Variants in TRPS1 observed in about 807,000 individuals in gnomAD.
The protein encoded by TRPS1 is transcriptional repressor GATA binding 1, also known as zinc finger transcription factor Trps1.
Under a neutral mutation model 101.2 loss-of-function variants are expected in TRPS1, and 6 were observed. The observed-to-expected ratio is 0.06, with a 90% CI of 0.03 to 0.12. TRPS1 has a LOEUF of 0.12. TRPS1 is among the 10% of genes least tolerant of loss of function. TRPS1 has a pLI of 1.00. For synonymous variants in TRPS1, 578 were observed against 589.8 expected (o/e 0.98, Z 0.29); for missense variants, 1,363 against 1,567.0 (o/e 0.87, Z 2.20).
In TRPS1 at chr8:115,418,603, A is replaced by C. The variant is rs1033147149; in HGVS notation, c.2701-151T>G. The C allele has an allele frequency of 2.3e-5, 24 of 1,032,806 alleles. No individual in the cohort carries two copies. Among genetic ancestry groups the C allele is most frequent in the Admixed American group, 2.0e-4 (10 of 50,446 alleles). 64.0% of individuals were successfully genotyped at this position (1,032,806 alleles called of 1,614,324 possible). On this transcript the variant is annotated intron_variant, in intron 5 of 6. Coordinates refer to ENST00000395715, the MANE Select transcript of TRPS1 (RefSeq NM_014112.5). The surrounding 1 kb of genome is among the most constrained non-coding windows in gnomAD (Gnocchi z 4.3). ...ATGAGGTCAGGTTCAATTGTGTTTA[A>C]TAGGCACCACTGATTTTCATTATAA...
chr8:115,546,915 A>G (rs1816587503), intron 5 of TRPS1, among the ~76,000 whole-genome samples: 1 of 152,192 alleles, frequency 6.6e-6, no homozygotes. Context: ...AATTCAAAGA[A>G]AAACGTCCCA....
intron 5 of TRPS1, among the ~76,000 whole-genome samples, chr8:115,488,388 T>C (rs1440294323): frequency 6.6e-6 from 1 of 152,142 alleles, no homozygotes; most frequent in African/African-American, 2.4e-5. Context: ...GGTATGCCTG[T>C]GTGATATAAA....
chr8:115,517,734 C>T (rs919174124), intron 5 of TRPS1, among the ~76,000 whole-genome samples: 4 of 151,680 alleles, frequency 2.6e-5, no homozygotes, highest in African/African-American at 9.7e-5. Flanking sequence ...GATTTCCAGA[C>T]TATGTAGGAG....
chr8:115,479,096 T>C (rs1814688077), intron 5 of TRPS1, among the ~76,000 whole-genome samples: 1 of 151,958 alleles, frequency 6.6e-6, no homozygotes, highest in Non-Finnish European at 1.5e-5. Flanking sequence ...CATAATTTCC[T>C]GGCATGCCTT....
At chr8:115,546,488 C>T (rs1333329311) in intron 5 of TRPS1, among the ~76,000 whole-genome samples, 5 of 151,638 alleles carry the variant, frequency 3.3e-5, no homozygotes, top group Non-Finnish European at 7.4e-5. Flanking sequence ...CTGAATTTGG[C>T]ATGTTCTTAT....
chr8:115,581,300 T>C (rs1260275314), intron 5 of TRPS1, among the ~76,000 whole-genome samples: 1 of 151,934 alleles, frequency 6.6e-6, no homozygotes, highest in Non-Finnish European at 1.5e-5. Flanking sequence ...TTGAAGGATA[T>C]GAAGTTATAG....
intron 5 of TRPS1, among the ~76,000 whole-genome samples, chr8:115,578,574 C>A (rs1020930412): frequency 2.2e-4 from 33 of 151,846 alleles, no homozygotes; most frequent in Non-Finnish European, 4.4e-4. Flanking sequence ...CAAAAATGAA[C>A]ATTGTGGGAT....
intron 5 of TRPS1, among the ~76,000 whole-genome samples, chr8:115,516,894 C>T (rs1815725328): frequency 6.6e-6 from 1 of 151,288 alleles, no homozygotes; most frequent in South Asian, 2.1e-4. Context: ...CAATCTTCTA[C>T]ATATTTTATA....
At chr8:115,436,064 C>A (rs1458800952) in intron 5 of TRPS1, among the ~76,000 whole-genome samples, 1 of 149,946 alleles carries the variant, frequency 6.7e-6, no homozygotes, top group Non-Finnish European at 1.5e-5. Context: ...GGAGCCCATG[C>A]AAATAGGTGG....
Position 115,414,934 on chromosome 8 carries a change from G to A in TRPS1, c.2974C>T (p.Pro992Ser). 1.3e-6 allele frequency: 2 copies of A among 1,599,828 alleles called. No homozygotes were observed. Among genetic ancestry groups the A allele is most frequent in the Non-Finnish European group, 1.7e-6 (2 of 1,173,140 alleles). The change falls in exon 7 of 7, where the codon CCG becomes TCG. Residue 992 changes from proline (P) to serine (S), a missense_variant. Around this residue, in one of 5 missense-constraint regions of TRPS1, gnomAD observed 307 missense variants for 392.4 expected, o/e 0.78. Transcript: ENST00000395715. This position sits in a 1 kb window ranked among gnomAD's most constrained non-coding sequence, Gnocchi z 4.8. ...GSNEEQVNGS[P>S]LERRSEDHLT... Reference sequence around the variant, plus strand: ...TGATCTTCTGACCTCCTCTCTAACGGGCTTCCATTGACTTGCTCCTCATTG... The same window carrying A: ...TGATCTTCTGACCTCCTCTCTAACGAGCTTCCATTGACTTGCTCCTCATTG...
chr8:115,598,316 C>A (rs971257669), intron 4 of TRPS1, among the ~76,000 whole-genome samples: 2 of 152,108 alleles, frequency 1.3e-5, no homozygotes, highest in Admixed American at 1.3e-4. Context: ...TCCCTTCAAA[C>A]TTACATAGTA....
In TRPS1 at chr8:115,604,138, A is replaced by G. The variant is rs1277616512; in HGVS notation, c.1831T>C (p.Leu611=). 1.9e-6 allele frequency: 3 copies of G among 1,614,008 alleles called. No homozygotes were observed. The highest frequency in any genetic ancestry group is 2.5e-6 in the Non-Finnish European group (3 of 1,180,010). The change falls in exon 4 of 7, where the codon TTG becomes CTG. Residue 611 remains leucine, a synonymous_variant. Transcript: ENST00000395715. The surrounding 1 kb of genome is among the most constrained non-coding windows in gnomAD (Gnocchi z 4.1). ...GCCCCAGGAGACAAGTGCAGAAGCA[A>G]GAGTGCACAGTGGGAACAATTACTT... ...RKSNCSHCAL[L]LLHLSPGAAG...
intron 3 of TRPS1, among the ~76,000 whole-genome samples, chr8:115,612,414 C>T (rs1240073215): frequency 6.6e-6 from 1 of 152,176 alleles, no homozygotes; most frequent in East Asian, 1.9e-4. Context: ...CAATGGGACA[C>T]ACTGCTCAAG....
intron 5 of TRPS1, among the ~76,000 whole-genome samples, chr8:115,522,558 T>C (rs553467290): frequency 6.9e-4 from 105 of 152,066 alleles, no homozygotes; most frequent in Non-Finnish European, 1.4e-3. Flanking sequence ...ACAAGTTGTG[T>C]AAGAGGTGAG....
At chr8:115,483,056 A>G (rs1426518809) in intron 5 of TRPS1, among the ~76,000 whole-genome samples, 3 of 152,168 alleles carry the variant, frequency 2.0e-5, no homozygotes, top group African/African-American at 4.8e-5. Flanking sequence ...CCTTTTGAGG[A>G]GCAGACATCA....
At chr8:115,594,175 A>G (rs1250690102) in intron 4 of TRPS1, among the ~76,000 whole-genome samples, 1 of 152,134 alleles carries the variant, frequency 6.6e-6, no homozygotes, top group Admixed American at 6.5e-5. Flanking sequence ...TTCATTAGTT[A>G]AAAACTCCTA....
intron 1 of TRPS1, among the ~76,000 whole-genome samples, chr8:115,628,662 A>G (rs1563655447): frequency 6.6e-6 from 1 of 151,882 alleles, no homozygotes; most frequent in Non-Finnish European, 1.5e-5. Flanking sequence ...CAGGCTTAGA[A>G]AGCTTCAACT....
At position 115,418,681 on chromosome 8, in the gene TRPS1, A is replaced by G. The variant is rs761249179; in HGVS notation, c.2701-229T>C. On this transcript the variant is annotated intron_variant, in intron 5 of 6. Coordinates refer to ENST00000395715, the MANE Select transcript of TRPS1 (RefSeq NM_014112.5). This position sits in a 1 kb window ranked among gnomAD's most constrained non-coding sequence, Gnocchi z 4.3. ...GTGGAACACCAAAGGCTTTTCACAG[A>G]AACAGCTTTAACTTTTTGAACTTTG... 3.3e-5 allele frequency among the ~76,000 whole-genome samples: 5 copies of G among 152,238 alleles called. No individual in the cohort carries two copies. The highest frequency in any genetic ancestry group is 5.9e-5 in the Non-Finnish European group (4 of 68,038).
chr8:115,464,451 T>G (rs566339003), intron 5 of TRPS1, among the ~76,000 whole-genome samples: 146 of 152,254 alleles, frequency 9.6e-4, no homozygotes, highest in Middle Eastern at 3.4e-3. Flanking sequence ...TTTAGGAAAC[T>G]GTCTGAAGTC....
Sources: allele counts gnomAD v4.1 joint callset (sites outside exome capture counted in the v4.1 genomes callset), GRCh38; gene constraint gnomAD v4.1.1; regional missense constraint gnomAD v4.1.1; non-coding constraint Gnocchi (gnomAD v3.1); transcripts MANE v1.5; gene names NCBI Gene and HGNC (gene_info 2026-07-23, HGNC 2026-07-21).